NBEA: variants seen among roughly 807,000 people sequenced by gnomAD.
NBEA encodes the protein lysosomal-trafficking regulator 2.
NBEA carries 44 observed loss-of-function variants against 343.4 expected under a neutral mutation model. The ratio of observed to expected loss-of-function variants is 0.13; its 90% CI spans 0.10 to 0.16. NBEA has a LOEUF of 0.16. Among genes scored for constraint, NBEA ranks in the 10% least tolerant of loss-of-function variants. The probability of loss-of-function intolerance (pLI) is 1.00; values close to 1 mark genes in which losing one functional copy is unlikely to be tolerated. For missense variants in NBEA, 2,555 were observed against 3,631.3 expected (o/e 0.70, Z 7.62); for synonymous variants, 1,175 against 1,238.7 (o/e 0.95, Z 1.08).
intron 41 of NBEA, among the ~76,000 whole-genome samples, chr13:35,484,234 ATGTGTGTGTGTG>A (rs397851790): frequency 3.2e-5 from 4 of 124,792 alleles, no homozygotes; most frequent in African/African-American, 5.8e-5. Context: ...CTACATTAAT[ATGTGTGTGTGTG>A]TGTGTGTGTG....
intron 32 of NBEA, among the ~76,000 whole-genome samples, chr13:35,210,515 T>G (rs2073698882): frequency 1.3e-5 from 2 of 152,122 alleles, no homozygotes; most frequent in Non-Finnish European, 2.9e-5. Flanking sequence ...AGAAAAATCT[T>G]TACTAAAATG....
At chr13:35,583,391 A>G (rs936303384) in intron 45 of NBEA, among the ~76,000 whole-genome samples, 1 of 152,178 alleles carries the variant, frequency 6.6e-6, no homozygotes, top group Admixed American at 6.5e-5. Context: ...TAGTTGTTCC[A>G]TCTATATACT....
At chr13:34,970,543 G>C (rs1686859666) in intron 1 of NBEA, among the ~76,000 whole-genome samples, 1 of 152,074 alleles carries the variant, frequency 6.6e-6, no homozygotes, top group Admixed American at 6.6e-5. Context: ...AATACATCTT[G>C]AGTTTATTTT....
intron 10 of NBEA, among the ~76,000 whole-genome samples, chr13:35,076,315 C>T (rs1195537000): frequency 6.6e-6 from 1 of 151,790 alleles, no homozygotes; most frequent in Non-Finnish European, 1.5e-5. Context: ...GATGTACTTG[C>T]ACTACTACTT....
At chr13:35,568,009 G>A (rs1004831829) in intron 45 of NBEA, among the ~76,000 whole-genome samples, 1 of 152,050 alleles carries the variant, frequency 6.6e-6, no homozygotes, top group African/African-American at 2.4e-5. Flanking sequence ...AGTTTCTCTT[G>A]TCCCATTTGT....
chr13:35,300,290 C>T lies in NBEA; in HGVS notation c.5839-9238C>T, dbSNP rs556444476. 4.6e-5 allele frequency among the ~76,000 whole-genome samples: 7 copies of T among 152,222 alleles called. No individual in the cohort carries two copies. In the South Asian group the frequency reaches 1.4e-3, roughly 32 times the overall value. On this transcript the variant is annotated intron_variant, in intron 35 of 58. Coordinates refer to ENST00000379939, the MANE Select transcript of NBEA (RefSeq NM_001385012.1). The stretch of plus-strand genomic sequence containing the variant: ...AGTGAGCCGAGATCGAGCCACTGCA[C>T]TCCAGCCTGGGTGACAAAGCGAGAC...
chr13:35,008,678 C>T (rs1408822458), intron 1 of NBEA, among the ~76,000 whole-genome samples: 1 of 152,152 alleles, frequency 6.6e-6, no homozygotes, highest in Non-Finnish European at 1.5e-5. Flanking sequence ...AGAAACCCCT[C>T]ATCTCCCAAT....
intron 52 of NBEA, among the ~76,000 whole-genome samples, chr13:35,650,468 G>T (rs560685775): frequency 2.0e-5 from 3 of 152,236 alleles, no homozygotes; most frequent in South Asian, 4.1e-4. Flanking sequence ...ACATAACGTT[G>T]TGGCAAACAT....
chr13:34,952,724 G>A (rs1296059927), intron 1 of NBEA, among the ~76,000 whole-genome samples: 2 of 152,060 alleles, frequency 1.3e-5, no homozygotes, highest in African/African-American at 4.8e-5. Flanking sequence ...CAAATTTTAT[G>A]GGAGTAAAAA....
rs1476466214 is a variant in NBEA, at chr13:35,290,467, A to G, written c.5838+17A>G. 3 of 1,583,886 alleles carry G rather than the reference A, an allele frequency of 1.9e-6. No homozygotes were observed. Among genetic ancestry groups the G allele is most frequent in the South Asian group, 2.2e-5 (2 of 89,476 alleles). On this transcript the variant is annotated intron_variant, in intron 35 of 58. Transcript: ENST00000379939. The stretch of plus-strand genomic sequence containing the variant: ...TGTTCTCAGGTACAAAATCCCATTC[A>G]CTCAGTTACATTAATATATGAGGGT...
chr13:35,387,908 G>A (rs1223054389), intron 38 of NBEA, among the ~76,000 whole-genome samples: 2 of 152,088 alleles, frequency 1.3e-5, no homozygotes, highest in Non-Finnish European at 2.9e-5. Context: ...CCTGCAAGGA[G>A]ATATAGTAAT....
intron 45 of NBEA, among the ~76,000 whole-genome samples, chr13:35,579,941 G>C (rs1192130343): frequency 1.3e-5 from 2 of 152,058 alleles, no homozygotes; most frequent in Admixed American, 6.5e-5. Flanking sequence ...AGTGTTTCAT[G>C]TGAACATCCT....
chr13:35,246,893 T>C, intron 34 of NBEA, among the ~76,000 whole-genome samples: 1 of 151,972 alleles, frequency 6.6e-6, no homozygotes, highest in Non-Finnish European at 1.5e-5. Context: ...CCAGGGTGGG[T>C]AAGGAAGGAC....
At chr13:35,601,272 A>G (rs1170281184) in intron 47 of NBEA, among the ~76,000 whole-genome samples, 3 of 152,218 alleles carry the variant, frequency 2.0e-5, no homozygotes, top group Non-Finnish European at 4.4e-5. Context: ...TATGGTAAAC[A>G]TAGTAATCTT....
chr13:35,550,695 T>G, intron 42 of NBEA, 101 bp downstream of exon 42: 1 of 754,066 alleles, frequency 1.3e-6, no homozygotes, highest in South Asian at 1.8e-5. Flanking sequence ...GTATTTCTGA[T>G]GTGCTCTAGC....
At chr13:35,216,190 C>G (rs1345870540) in intron 33 of NBEA, among the ~76,000 whole-genome samples, 1 of 151,240 alleles carries the variant, frequency 6.6e-6, no homozygotes. Context: ...GTGAATTCTG[C>G]TCTTATTACT....
chr13:34,950,320 C>T (rs1022673932), intron 1 of NBEA, among the ~76,000 whole-genome samples: 1 of 152,070 alleles, frequency 6.6e-6, no homozygotes, highest in Non-Finnish European at 1.5e-5. Flanking sequence ...TCAGATTCTA[C>T]TTGAGAACAG....
chr13:35,187,066 AT>A (rs1317003571), intron 30 of NBEA, among the ~76,000 whole-genome samples: 1 of 152,096 alleles, frequency 6.6e-6, no homozygotes, highest in Non-Finnish European at 1.5e-5. Context: ...TAGTTTTAAA[AT>A]TTTTTATTTT....
chr13:35,323,042 G>A (rs917309844), intron 36 of NBEA, among the ~76,000 whole-genome samples: 2 of 151,848 alleles, frequency 1.3e-5, no homozygotes, highest in African/African-American at 4.8e-5. Context: ...TAGAGATGGG[G>A]TTCTGCCATG....
Sources: allele counts gnomAD v4.1 joint callset (sites outside exome capture counted in the v4.1 genomes callset), GRCh38; gene constraint gnomAD v4.1.1; transcripts MANE v1.5; gene names NCBI Gene and HGNC (gene_info 2026-07-23, HGNC 2026-07-21).